The following LIN54 variants were observed in gnomAD, a reference collection of about 807,000 sequenced individuals.
LIN54 encodes lin-54 DREAM MuvB core complex component, also known as protein lin-54 homolog.
LIN54 carries 9 observed loss-of-function variants against 78.7 expected under a neutral mutation model. That is an observed-to-expected ratio of 0.11 (90% CI 0.07 to 0.20). The LOEUF is 0.20. Ranked by LOEUF, LIN54 falls within the 10% of genes least tolerant of loss-of-function variation. LIN54 has a pLI of 1.00. For missense variants in LIN54, 573 were observed against 889.9 expected (o/e 0.64, Z 4.53); for synonymous variants, 269 against 318.4 (o/e 0.84, Z 1.65).
chr4:82,947,222 TATATATATATA>T lies in LIN54; in HGVS notation c.952-759_952-749del, dbSNP rs1256459559. The stretch of plus-strand genomic sequence containing the variant: ...AAAAAAAAATTTATATATATATATA[TATATATATATA>T]TATTTTTTTTTTTTTTGAAGACAGG... On this transcript the variant is annotated intron_variant, in intron 4 of 12. Transcript: ENST00000340417. Among the ~76,000 whole-genome samples, 71 of 17,034 alleles carry T rather than the reference TATATATATATA, an allele frequency of 4.2e-3. 1 individual carries two copies. The highest frequency in any genetic ancestry group is 0.012 in the African/African-American group (69 of 5,602). The allele number at this position is 17,034 out of a possible 152,430, so 11.2% of individuals were successfully genotyped here.
intron 1 of LIN54, among the ~76,000 whole-genome samples, chr4:82,989,122 A>G (rs1431260053): frequency 2.0e-5 from 3 of 151,894 alleles, no homozygotes; most frequent in African/African-American, 7.3e-5. Flanking sequence ...CGGGAGGCGG[A>G]GCTTGCAGTG....
chr4:82,950,399 A>G (rs1578524901), intron 4 of LIN54, among the ~76,000 whole-genome samples: 1 of 152,376 alleles, frequency 6.6e-6, no homozygotes. Flanking sequence ...TAAGTAACAT[A>G]TAAGTTACTA....
chr4:82,980,336 A>G (rs1726528606), intron 2 of LIN54, among the ~76,000 whole-genome samples: 1 of 152,182 alleles, frequency 6.6e-6, no homozygotes, highest in African/African-American at 2.4e-5. Flanking sequence ...TGAGACTGTA[A>G]AAGAACTATT....
chr4:82,959,724 A>G (rs1228664836), intron 4 of LIN54, among the ~76,000 whole-genome samples: 1 of 152,230 alleles, frequency 6.6e-6, no homozygotes, highest in Non-Finnish European at 1.5e-5. Context: ...CACAGATATT[A>G]CATGTAGCTA....
chr4:82,953,891 G>A (rs988513243), intron 4 of LIN54, among the ~76,000 whole-genome samples: 2 of 151,980 alleles, frequency 1.3e-5, no homozygotes, highest in Non-Finnish European at 2.9e-5. Flanking sequence ...AGTGAGCCAC[G>A]ATCGCACCAC....
chr4:82,996,625 C>T lies in LIN54; in HGVS notation c.-32-11749G>A, dbSNP rs368780047. ...TTCACCATGTTGGCCAGGCTGGTCT[C>T]GAACTCTTGACCTCATGATCCACCC... is the stretch of plus-strand genomic sequence containing the variant. On this transcript the variant is annotated intron_variant, in intron 1 of 12. Transcript: ENST00000340417. 1.1e-4 allele frequency among the ~76,000 whole-genome samples: 16 copies of T among 152,032 alleles called. No individual in the cohort carries two copies. In the East Asian group the frequency reaches 1.9e-3, roughly 18 times the overall value.
chr4:82,933,717 C>T (rs1414707293), intron 11 of LIN54, among the ~76,000 whole-genome samples: 3 of 152,278 alleles, frequency 2.0e-5, no homozygotes, highest in African/African-American at 7.2e-5. Context: ...GTATCTGTCC[C>T]GACAAAATTT....
intron 4 of LIN54, among the ~76,000 whole-genome samples, chr4:82,958,452 T>G (rs1724516807): frequency 6.6e-6 from 1 of 152,180 alleles, no homozygotes; most frequent in African/African-American, 2.4e-5. Context: ...TCCTTTTCCA[T>G]GTCTTTTCCC....
chr4:82,992,113 T>C (rs1727767403), intron 1 of LIN54, among the ~76,000 whole-genome samples: 1 of 152,238 alleles, frequency 6.6e-6, no homozygotes. Context: ...GGTTTTTAAC[T>C]ATAAATTCAT....
chr4:82,986,389 T>G (rs1452066368), intron 1 of LIN54, among the ~76,000 whole-genome samples: 2 of 152,130 alleles, frequency 1.3e-5, no homozygotes, highest in African/African-American at 4.8e-5. Flanking sequence ...AGTGCTGGGA[T>G]TATAGGTGTG....
chr4:82,958,697 A>T (rs1020752), intron 4 of LIN54, among the ~76,000 whole-genome samples: 81,595 of 151,906 alleles, frequency 0.54, 23,626 homozygotes, highest in East Asian at 0.78. Context: ...TGATTTATTT[A>T]TTATTATTAT....
At chr4:82,946,716 ACT>A (rs1723386657) in intron 4 of LIN54, among the ~76,000 whole-genome samples, 3 of 152,210 alleles carry the variant, frequency 2.0e-5, no homozygotes, top group African/African-American at 7.2e-5. Flanking sequence ...ATTTCAGATG[ACT>A]TGCTATGAAG....
intron 1 of LIN54, among the ~76,000 whole-genome samples, chr4:82,998,264 G>T (rs1052945876): frequency 6.6e-6 from 1 of 151,572 alleles, no homozygotes; most frequent in Non-Finnish European, 1.5e-5. Flanking sequence ...AATAATCTGG[G>T]ACAGGTGCAG....
At chr4:82,996,932 C>T (rs1473219124) in intron 1 of LIN54, among the ~76,000 whole-genome samples, 1 of 151,922 alleles carries the variant, frequency 6.6e-6, no homozygotes, top group Non-Finnish European at 1.5e-5. Flanking sequence ...TCCACTGGCC[C>T]AGGTACTCTA....
At chr4:82,949,388 TTTGTTGTTG>T (rs57137614) in intron 4 of LIN54, among the ~76,000 whole-genome samples, 2 of 151,024 alleles carry the variant, frequency 1.3e-5, no homozygotes, top group African/African-American at 4.9e-5. Flanking sequence ...TATGAGTTCT[TTTGTTGTTG>T]TTGTTGTTGT....
intron 1 of LIN54, among the ~76,000 whole-genome samples, chr4:83,005,376 G>A (rs1410794863): frequency 2.6e-5 from 4 of 151,994 alleles, no homozygotes; most frequent in African/African-American, 7.2e-5. Flanking sequence ...GGTGGCTCAC[G>A]CCTGTAATCC....
intron 1 of LIN54, among the ~76,000 whole-genome samples, chr4:82,993,622 C>G (rs139351444): frequency 1.1e-3 from 172 of 151,730 alleles, no homozygotes; most frequent in African/African-American, 3.5e-3. Flanking sequence ...TTGTTTGTTT[C>G]TTTGTTTGTT....
intron 1 of LIN54, among the ~76,000 whole-genome samples, chr4:82,989,475 A>G (rs1727476454): frequency 6.6e-6 from 1 of 152,218 alleles, no homozygotes; most frequent in Non-Finnish European, 1.5e-5. Context: ...ATGTCACACT[A>G]GCTTTCTTCC....
chr4:82,990,993 A>G (rs1254705581), intron 1 of LIN54, among the ~76,000 whole-genome samples: 1 of 152,036 alleles, frequency 6.6e-6, no homozygotes, highest in Non-Finnish European at 1.5e-5. Context: ...AGAGGTACAG[A>G]AATGCAAGGA....
Sources: allele counts gnomAD v4.1 joint callset (sites outside exome capture counted in the v4.1 genomes callset), GRCh38; gene constraint gnomAD v4.1.1; transcripts MANE v1.5; gene names NCBI Gene and HGNC (gene_info 2026-07-23, HGNC 2026-07-21).